DMD: variants seen among roughly 807,000 people sequenced by gnomAD.
The protein encoded by DMD is mutant dystrophin.
A neutral mutation model predicts 330.1 loss-of-function variants in DMD; 63 were observed. The ratio of observed to expected loss-of-function variants is 0.19; its 90% confidence interval spans 0.16 to 0.24. The LOEUF (loss-of-function observed/expected upper bound fraction) is 0.24. DMD is among the 10% of genes least tolerant of loss of function. The probability of loss-of-function intolerance (pLI) is 1.00; values close to 1 mark genes in which losing one functional copy is unlikely to be tolerated. For missense variants in DMD, 3,344 were observed against 2,684.1 expected (o/e 1.25, Z -5.43); for synonymous variants, 1,223 against 959.8 (o/e 1.27, Z -5.07).
At chrX:33,311,332 C>T (rs1185613955) in intron 1 of DMD, among the ~76,000 whole-genome samples, 2 of 110,010 alleles carry the variant, frequency 1.8e-5, no homozygotes, top group East Asian at 2.8e-4. Flanking sequence ...TACACACAGA[C>T]AGACACTTAT....
At chrX:31,648,120 C>T (rs1433878744) in intron 54 of DMD, among the ~76,000 whole-genome samples, 2 of 111,194 alleles carry the variant, frequency 1.8e-5, no homozygotes, top group East Asian at 5.6e-4. Flanking sequence ...TCTGAAAATG[C>T]TTTTAACTGT....
intron 17 of DMD, among the ~76,000 whole-genome samples, chrX:32,540,935 G>A (rs371983561): frequency 6.3e-5 from 7 of 111,449 alleles, no homozygotes; most frequent in African/African-American, 2.3e-4. Flanking sequence ...ACATCAAAAA[G>A]CATCATTTTA....
At chrX:32,514,189 T>C (rs142433856) in intron 18 of DMD, among the ~76,000 whole-genome samples, 3,280 of 99,738 alleles carry the variant, frequency 0.033, 124 homozygotes, top group African/African-American at 0.12. Context: ...CACCCAGAGA[T>C]GAGCCTCAAC....
chrX:32,985,168 T>A, intron 2 of DMD, among the ~76,000 whole-genome samples: 1 of 112,434 alleles, frequency 8.9e-6, no homozygotes, highest in East Asian at 2.8e-4. Flanking sequence ...CCTTTCAATA[T>A]ACTTGTATCT....
At chrX:32,011,135 C>T (rs1438331632) in intron 44 of DMD, among the ~76,000 whole-genome samples, 1 of 111,938 alleles carries the variant, frequency 8.9e-6, no homozygotes, top group Non-Finnish European at 1.9e-5. Flanking sequence ...CAATGAAGAT[C>T]GTTGGCTTAA....
chrX:31,219,491 C>T (rs187305070), intron 64 of DMD, among the ~76,000 whole-genome samples: 36 of 110,994 alleles, frequency 3.2e-4, no homozygotes, highest in African/African-American at 1.0e-3. Context: ...CCACTCCATA[C>T]AAAAAATGGA....
chrX:32,594,524 G>A (rs1044379325), intron 13 of DMD, among the ~76,000 whole-genome samples: 1 of 111,296 alleles, frequency 9.0e-6, no homozygotes, highest in East Asian at 2.8e-4. Flanking sequence ...CCAAATACCT[G>A]TTTCTCTTTC....
rs1415123204 is a variant in DMD, at chrX:31,496,416, G to C, written c.8547+372C>G. ...ATAAAATAACACACGCCTGATATTT[G>C]TTTTAAAACAATCTGGGAAGAGCTA... On this transcript the variant is annotated intron_variant, in intron 57 of 78. Transcript: ENST00000357033. Among the ~76,000 whole-genome samples the C allele has an allele frequency of 7.1e-5, 8 of 111,911 alleles. No individual in the cohort carries two copies. In the Admixed American group the frequency reaches 7.6e-4, roughly 11 times the overall value.
At chrX:31,331,087 T>C (rs1352426474) in intron 61 of DMD, among the ~76,000 whole-genome samples, 1 of 110,819 alleles carries the variant, frequency 9.0e-6, no homozygotes, top group Non-Finnish European at 1.9e-5. Flanking sequence ...GTCACAAGAG[T>C]GATGAATGAG....
intron 2 of DMD, among the ~76,000 whole-genome samples, chrX:32,891,477 C>A (rs2085195683): frequency 8.9e-6 from 1 of 112,351 alleles, no homozygotes; most frequent in Non-Finnish European, 1.9e-5. Flanking sequence ...TTTTCCTTTT[C>A]TTTCCCTTTA....
chrX:31,352,190 C>T (rs1271576000), intron 60 of DMD, among the ~76,000 whole-genome samples: 2 of 107,089 alleles, frequency 1.9e-5, no homozygotes, highest in East Asian at 5.6e-4. Context: ...AAGGTCAATT[C>T]CTGGTCTTGA....
chrX:32,592,822 T>A (rs1419597160), intron 13 of DMD, among the ~76,000 whole-genome samples: 2 of 112,168 alleles, frequency 1.8e-5, no homozygotes, highest in Non-Finnish European at 3.8e-5. Context: ...CTGTGGTTCC[T>A]GGTGTCTCTG....
intron 2 of DMD, among the ~76,000 whole-genome samples, chrX:33,017,570 G>A (rs1274476533): frequency 9.0e-6 from 1 of 111,044 alleles, no homozygotes; most frequent in Non-Finnish European, 1.9e-5. Flanking sequence ...TGTTTCTACA[G>A]TTAGCATAGA....
intron 61 of DMD, among the ~76,000 whole-genome samples, chrX:31,335,961 T>C (rs1176099778): frequency 1.8e-5 from 2 of 112,400 alleles, no homozygotes; most frequent in Non-Finnish European, 3.8e-5. Flanking sequence ...TGAGCTAGAA[T>C]GTTAATGTTC....
chrX:31,172,325 G>C, intron 73 of DMD, 23 bp downstream of exon 73: 1 of 1,109,048 alleles, frequency 9.0e-7, no homozygotes, highest in Non-Finnish European at 1.2e-6. Flanking sequence ...GGAACATTTT[G>C]TAAAAAGAGA....
intron 1 of DMD, among the ~76,000 whole-genome samples, chrX:33,326,173 A>T (rs2054086771): frequency 9.0e-6 from 1 of 110,685 alleles, no homozygotes; most frequent in Admixed American, 9.7e-5. Context: ...GGACTCAAAC[A>T]AATGTCTTAC....
intron 41 of DMD, among the ~76,000 whole-genome samples, chrX:32,329,426 T>C (rs1428734100): frequency 9.0e-6 from 1 of 111,705 alleles, no homozygotes; most frequent in Non-Finnish European, 1.9e-5. Context: ...TGACCTGAGG[T>C]AGAAGACATC....
chrX:32,215,950 T>G (rs2097110817), intron 44 of DMD, among the ~76,000 whole-genome samples: 1 of 112,333 alleles, frequency 8.9e-6, no homozygotes, highest in Non-Finnish European at 1.9e-5. Context: ...GCTTAACTCC[T>G]TAATATTAAA....
intron 35 of DMD, 120 bp from the exon 36 acceptor site, chrX:32,364,830 T>G (rs1381294013): frequency 7.1e-6 from 6 of 849,120 alleles, no homozygotes; most frequent in Non-Finnish European, 1.0e-5. Flanking sequence ...TAGTTTTAAG[T>G]GGTATTTTCA....
Sources: gnomAD v4.1 joint callset for allele counts (sites outside exome capture counted in the v4.1 genomes callset) on GRCh38, gnomAD v4.1.1 for gene constraint, MANE v1.5 for transcripts, NCBI Gene and HGNC (gene_info 2026-07-23, HGNC 2026-07-21) for gene names.